TLE1: variants seen among roughly 807,000 people sequenced by gnomAD.
TLE1 encodes TLE family member 1, transcriptional corepressor.
In TLE1, 21 loss-of-function variants were observed where a neutral mutation model predicts 89.8. The observed-to-expected ratio is 0.23, with a 90% CI of 0.17 to 0.34. The LOEUF is 0.34. TLE1 is among the 10% of genes least tolerant of loss of function. The probability of loss-of-function intolerance (pLI) is 1.00; values close to 1 mark genes in which losing one functional copy is unlikely to be tolerated. For missense variants in TLE1, 795 were observed against 1,031.2 expected (o/e 0.77, Z 3.14); for synonymous variants, 447 against 407.6 (o/e 1.10, Z -1.16).
At chr9:81,634,887 C>T (rs2132377111) in intron 6 of TLE1, among the ~76,000 whole-genome samples, 1 of 152,286 alleles carries the variant, frequency 6.6e-6, no homozygotes, top group East Asian at 1.9e-4. Flanking sequence ...AATACTATCA[C>T]TAAGGAATAG....
chr9:81,620,561 C>A lies in TLE1; in HGVS notation c.595-4G>T, dbSNP rs774089151. ...CTGGGACCAGGAGGGAATTACTCTG[C>A]AAGACAAAAAAATTAATCAAAGATT... On this transcript the variant is annotated splice_region_variant and splice_polypyrimidine_tract_variant and intron_variant, in intron 8 of 19. Transcript: ENST00000376499. The A allele has an allele frequency of 6.2e-7, 1 of 1,601,310 alleles. No homozygotes were observed. Among genetic ancestry groups the A allele is most frequent in the Non-Finnish European group, 8.5e-7 (1 of 1,176,504 alleles).
At chr9:81,587,091 A>G (rs955819343) in intron 17 of TLE1, among the ~76,000 whole-genome samples, 1 of 152,218 alleles carries the variant, frequency 6.6e-6, no homozygotes, top group African/African-American at 2.4e-5. Flanking sequence ...ACTTTTCACA[A>G]TCTACAAAGT....
chr9:81,651,881 G>C (rs1829584725), intron 6 of TLE1, among the ~76,000 whole-genome samples: 1 of 152,022 alleles, frequency 6.6e-6, no homozygotes, highest in Non-Finnish European at 1.5e-5. Context: ...CTACTCAGGA[G>C]GCTAAGGCAG....
chr9:81,590,675 T>C lies in TLE1; in HGVS notation c.1829+130A>G, dbSNP rs879191462. ...CAACACAGTTGTCTTTGTTCCCTCA[T>C]CACCTAGCCCCATGCCTGGCATTCA... is the stretch of plus-strand genomic sequence containing the variant. On this transcript the variant is annotated intron_variant, in intron 16 of 19. Transcript: ENST00000376499. 1.9e-5 allele frequency: 28 copies of C among 1,472,482 alleles called. No homozygotes were observed. The South Asian group carries it at 2.9e-4, about 15-fold the overall frequency. The allele number at this position is 1,472,482 out of a possible 1,614,324, so 91.2% of individuals were successfully genotyped here. A position where few individuals can be genotyped will look rare whatever the true frequency, so the allele number is the denominator to read the frequency against.
chr9:81,609,505 C>G (rs1242493424), intron 14 of TLE1, among the ~76,000 whole-genome samples: 1 of 152,252 alleles, frequency 6.6e-6, no homozygotes, highest in East Asian at 1.9e-4. Flanking sequence ...AATCACACTT[C>G]TAATTACTAA....
At chr9:81,616,863 T>C (rs531574900) in intron 9 of TLE1, among the ~76,000 whole-genome samples, 164 bp from the exon 10 acceptor site, 1 of 152,198 alleles carries the variant, frequency 6.6e-6, no homozygotes, top group African/African-American at 2.4e-5. Flanking sequence ...ATTATTATCA[T>C]CTTCCCCCTC....
intron 14 of TLE1, among the ~76,000 whole-genome samples, chr9:81,595,709 C>T (rs1490618832): frequency 6.6e-6 from 1 of 151,300 alleles, no homozygotes; most frequent in Non-Finnish European, 1.5e-5. Flanking sequence ...GTCCCAGCTA[C>T]TCGGGAGGCT....
chr9:81,632,036 G>A (rs1826688747), intron 8 of TLE1, among the ~76,000 whole-genome samples: 1 of 152,072 alleles, frequency 6.6e-6, no homozygotes, highest in Admixed American at 6.5e-5. Flanking sequence ...GTTGCAGTGA[G>A]CCGAGATAGT....
intron 18 of TLE1, among the ~76,000 whole-genome samples, chr9:81,584,728 G>A (rs1252636970): frequency 6.6e-6 from 1 of 152,030 alleles, no homozygotes; most frequent in Admixed American, 6.6e-5. Context: ...AGAGGTATCA[G>A]CCTCCTTAGT....
chr9:81,685,672 T>A lies in TLE1; in HGVS notation c.234+4A>T. ...TTTCAGCTTGAAGTTCAACTAAAGCTTACCTGTTTGTGCATTTCAATGTTT... is the reference window on the plus strand; with the variant it reads ...TTTCAGCTTGAAGTTCAACTAAAGCATACCTGTTTGTGCATTTCAATGTTT... On this transcript the variant is annotated splice_donor_region_variant and intron_variant, in intron 4 of 19. Coordinates refer to ENST00000376499, the MANE Select transcript of TLE1 (RefSeq NM_005077.5). The A allele has an allele frequency of 6.2e-7, 1 of 1,613,342 alleles. No homozygotes were observed. The highest frequency in any genetic ancestry group is 8.5e-7 in the Non-Finnish European group (1 of 1,179,516).
rs1303014959 is a variant in TLE1 at position 81,654,054 on chromosome 9, C to T, written c.235-18G>A. On this transcript the variant is annotated intron_variant, in intron 4 of 19. Transcript: ENST00000376499. ...ATTTCAGTCTATAAAGACAAAGCCACACAAATGTTTAGAATACTTCACAAT... is the reference window on the plus strand; with the variant it reads ...ATTTCAGTCTATAAAGACAAAGCCATACAAATGTTTAGAATACTTCACAAT... 1.9e-6 allele frequency: 3 copies of T among 1,613,370 alleles called. No individual in the cohort carries two copies. The highest frequency in any genetic ancestry group is 2.2e-5 in the East Asian group (1 of 44,848).
At chr9:81,642,105 G>A (rs1588089405) in intron 6 of TLE1, among the ~76,000 whole-genome samples, 1 of 152,110 alleles carries the variant, frequency 6.6e-6, no homozygotes, top group East Asian at 1.9e-4. Flanking sequence ...TAGTGTTAGT[G>A]ATGGTGTGGA....
chr9:81,590,906 G>T lies in TLE1; in HGVS notation c.1728C>A (p.Ala576=), dbSNP rs928338058. 6.2e-7 allele frequency: 1 copy of T among 1,614,168 alleles called. No individual in the cohort carries two copies. Among genetic ancestry groups the T allele is most frequent in the African/African-American group, 1.3e-5 (1 of 74,958 alleles). Residue 576 remains alanine (A), a synonymous_variant, in exon 16 of 20, where the codon GCC becomes GCA. Coordinates refer to ENST00000376499, the MANE Select transcript of TLE1 (RefSeq NM_005077.5). ...CGGGGCTGATGGCCAGGGCGTAGCA[G>T]GCGGGGGCCGAGGACGTCAGCTCCG... is the stretch of plus-strand genomic sequence containing the variant. ...IKAELTSSAP[A]CYALAISPDS... is the part of the protein sequence containing the mutation.
chr9:81,606,002 C>T (rs1323615508), intron 14 of TLE1, among the ~76,000 whole-genome samples: 2 of 152,186 alleles, frequency 1.3e-5, no homozygotes, highest in East Asian at 3.9e-4. Flanking sequence ...TTTATGCAGC[C>T]AACAGACACA....
In TLE1 at chr9:81,588,694, G is replaced by A. The variant is rs145614590; in HGVS notation, c.1830-866C>T. 4.0e-3 allele frequency among the ~76,000 whole-genome samples: 602 copies of A among 152,232 alleles called. 3 individuals are homozygous for A. Among genetic ancestry groups the A allele is most frequent in the African/African-American group, 0.014 (565 of 41,542 alleles). On this transcript the variant is annotated intron_variant, in intron 16 of 19. Coordinates refer to ENST00000376499, the MANE Select transcript of TLE1 (RefSeq NM_005077.5). ...GGTCAGTGTAAGCCCCAGCAGGGAC[G>A]GTGACTGGTGGACTCAGTTCTGCAT...
At chr9:81,592,645 T>G (rs371415777) in intron 15 of TLE1, among the ~76,000 whole-genome samples, 1 of 152,322 alleles carries the variant, frequency 6.6e-6, no homozygotes, top group African/African-American at 2.4e-5. Context: ...TTTACTATTC[T>G]ATATTTATCT....
At chr9:81,623,427 A>G (rs940053798) in intron 8 of TLE1, among the ~76,000 whole-genome samples, 3 of 152,140 alleles carry the variant, frequency 2.0e-5, no homozygotes, top group African/African-American at 7.2e-5. Flanking sequence ...GGCAACATTT[A>G]TGAGGACACC....
intron 14 of TLE1, among the ~76,000 whole-genome samples, chr9:81,595,678 GT>G (rs1830090008): frequency 6.6e-6 from 1 of 152,020 alleles, no homozygotes; most frequent in African/African-American, 2.4e-5. Flanking sequence ...AATCAGCCGG[GT>G]ATGGTGGCGG....
chr9:81,648,565 G>A (rs535277472), intron 6 of TLE1, among the ~76,000 whole-genome samples: 1 of 152,090 alleles, frequency 6.6e-6, no homozygotes, highest in Non-Finnish European at 1.5e-5. Context: ...GATTATCTGT[G>A]ATGTAAAGAG....
Sources: gnomAD v4.1 joint callset for allele counts (sites outside exome capture counted in the v4.1 genomes callset) on GRCh38, gnomAD v4.1.1 for gene constraint, MANE v1.5 for transcripts, NCBI Gene and HGNC (gene_info 2026-07-23, HGNC 2026-07-21) for gene names.